Variants in CCDC30 observed in about 807,000 individuals in gnomAD.
CCDC30 encodes the protein coiled-coil domain-containing protein 30.
Under a neutral mutation model 100.2 loss-of-function variants are expected in CCDC30, and 70 were observed. That is an observed-to-expected ratio of 0.70 (90% confidence interval 0.58 to 0.85). The LOEUF is 0.85. CCDC30 is among the 40% of genes least tolerant of loss of function. CCDC30 has a pLI of 0.00. For missense variants in CCDC30, 652 were observed against 771.2 expected, an observed-to-expected ratio of 0.85 and a Z score of 1.83; for synonymous variants, 233 against 269.5, an observed-to-expected ratio of 0.86 and a Z score of 1.33.
At chr1:42,492,080 G>T in intron 4 of CCDC30, 1 of 349,212 alleles carries the variant, frequency 2.9e-6, no homozygotes, top group Non-Finnish European at 5.5e-6. Context: ...TCAAAAAATG[G>T]CAGACCATGA....
At chr1:42,650,497 ATGTGTGTGTGTGTGTGTGTGTG>A (rs57051349) in intron 15 of CCDC30, among the ~76,000 whole-genome samples, 1 of 136,194 alleles carries the variant, frequency 7.3e-6, no homozygotes, top group Non-Finnish European at 1.6e-5. Context: ...AAAAATATAT[ATGTGTGTGTGTGTGTGTGTGTG>A]TGTGTGTGTG....
At chr1:42,516,959 G>A (rs937786504) in intron 6 of CCDC30, among the ~76,000 whole-genome samples, 6 of 151,998 alleles carry the variant, frequency 3.9e-5, no homozygotes, top group Non-Finnish European at 7.4e-5. Flanking sequence ...ATTGAATTAG[G>A]TTTGGTTTTT....
intron 7 of CCDC30, among the ~76,000 whole-genome samples, chr1:42,569,841 C>A (rs968705802): frequency 2.0e-5 from 3 of 152,190 alleles, no homozygotes; most frequent in Non-Finnish European, 4.4e-5. Context: ...ATGGATGAAG[C>A]TGGAAACCAT....
chr1:42,644,107 G>T (rs767053865), intron 13 of CCDC30, among the ~76,000 whole-genome samples: 4 of 152,048 alleles, frequency 2.6e-5, no homozygotes, highest in Non-Finnish European at 5.9e-5. Context: ...AACAGAATAG[G>T]AGACATAAAT....
chr1:42,532,166 G>A (rs530566472), intron 6 of CCDC30, among the ~76,000 whole-genome samples: 6 of 152,200 alleles, frequency 3.9e-5, no homozygotes, highest in East Asian at 3.9e-4. Flanking sequence ...TTTTGCCATC[G>A]TAGTTTCCAA....
At chr1:42,566,826 A>G (rs1645616122) in intron 7 of CCDC30, among the ~76,000 whole-genome samples, 1 of 152,206 alleles carries the variant, frequency 6.6e-6, no homozygotes, top group Admixed American at 6.5e-5. Flanking sequence ...TGGTTCAGTC[A>G]GATCTCAACT....
chr1:42,656,166 G>A (rs1648652436), downstream of CCDC30, among the ~76,000 whole-genome samples: 2 of 152,062 alleles, frequency 1.3e-5, no homozygotes, highest in African/African-American at 4.8e-5. Context: ...TCTATGCCAG[G>A]CCTGGTTTTA....
intron 10 of CCDC30, among the ~76,000 whole-genome samples, chr1:42,602,412 A>G (rs1489727042): frequency 6.6e-6 from 1 of 152,110 alleles, no homozygotes; most frequent in Non-Finnish European, 1.5e-5. Flanking sequence ...AAAAAAAAAG[A>G]GGGAGAGAGG....
intron 10 of CCDC30, among the ~76,000 whole-genome samples, chr1:42,603,452 C>G (rs932738755): frequency 1.3e-5 from 2 of 152,092 alleles, no homozygotes; most frequent in Admixed American, 1.3e-4. Context: ...ATGGCAAATG[C>G]GTAAAAAGGA....
At chr1:42,610,581 A>AC (rs1226541441) in intron 10 of CCDC30, among the ~76,000 whole-genome samples, 1 of 151,948 alleles carries the variant, frequency 6.6e-6, no homozygotes, top group Non-Finnish European at 1.5e-5. Context: ...ACACCACCAC[A>AC]CCTGGCAAAT....
At chr1:42,611,988 C>A (rs543316450) in intron 11 of CCDC30, among the ~76,000 whole-genome samples, 1 of 152,082 alleles carries the variant, frequency 6.6e-6, no homozygotes, top group South Asian at 2.1e-4. Context: ...ATTTATGGCA[C>A]ACCTCTCAGT....
chr1:42,602,365 A>G (rs1228137926), intron 10 of CCDC30, among the ~76,000 whole-genome samples: 1 of 152,172 alleles, frequency 6.6e-6, no homozygotes, highest in Non-Finnish European at 1.5e-5. Flanking sequence ...CTCTTTGAAA[A>G]GATTAATAAA....
chr1:42,640,941 C>T (rs902802083), intron 12 of CCDC30, among the ~76,000 whole-genome samples: 1 of 151,672 alleles, frequency 6.6e-6, no homozygotes, highest in African/African-American at 2.4e-5. Context: ...TCTGAATGAC[C>T]TACATTAGTA....
chr1:42,530,338 A>G (rs1327419369), intron 6 of CCDC30, among the ~76,000 whole-genome samples: 2 of 152,176 alleles, frequency 1.3e-5, no homozygotes, highest in Non-Finnish European at 2.9e-5. Context: ...TTTTATTATT[A>G]TTGTTGCTAA....
At chr1:42,560,162 A>G in intron 6 of CCDC30, among the ~76,000 whole-genome samples, 1 of 152,198 alleles carries the variant, frequency 6.6e-6, no homozygotes, top group Non-Finnish European at 1.5e-5. Flanking sequence ...GGAAATTTAT[A>G]CCACTAAATG....
intron 6 of CCDC30, among the ~76,000 whole-genome samples, chr1:42,513,198 T>C (rs568895130): frequency 6.6e-6 from 1 of 152,104 alleles, no homozygotes; most frequent in Admixed American, 6.5e-5. Flanking sequence ...GAAAGTTTAA[T>C]AGGCAGAAGA....
At chr1:42,623,513 C>T (rs1290391972) in intron 11 of CCDC30, among the ~76,000 whole-genome samples, 1 of 152,062 alleles carries the variant, frequency 6.6e-6, no homozygotes, top group Non-Finnish European at 1.5e-5. Flanking sequence ...GGTGTATGTT[C>T]TTGGCACCTT....
chr1:42,644,725 T>C (rs1557491404), exon 14 of CCDC30: 1 of 1,612,122 alleles, frequency 6.2e-7, no homozygotes, highest in South Asian at 1.1e-5. Context: ...AATAAGCAAT[T>C]ACAGGAAAAT....
chr1:42,607,627 G>C (rs1646528261), intron 10 of CCDC30, among the ~76,000 whole-genome samples: 1 of 150,814 alleles, frequency 6.6e-6, no homozygotes, highest in South Asian at 2.1e-4. Flanking sequence ...AACAGTTTTT[G>C]AATGTGGGTG....
Sources: gnomAD v4.1 joint callset for allele counts (sites outside exome capture counted in the v4.1 genomes callset) on GRCh38, gnomAD v4.1.1 for gene constraint, MANE v1.5 for transcripts, NCBI Gene and HGNC (gene_info 2026-07-23, HGNC 2026-07-21) for gene names.